The following CDH6 variants were observed in gnomAD, a reference collection of about 807,000 sequenced individuals.
The protein encoded by CDH6 is cadherin-6.
A neutral mutation model predicts 78.0 loss-of-function variants in CDH6; 31 were observed. The observed-to-expected ratio is 0.40, with a 90% CI of 0.30 to 0.54. The LOEUF is 0.54. CDH6 is among the 20% of genes least tolerant of loss of function. The probability of loss-of-function intolerance (pLI) is 0.56; values close to 1 mark genes in which losing one functional copy is unlikely to be tolerated. For missense variants in CDH6, 724 were observed against 975.9 expected (o/e 0.74, Z 3.44); for synonymous variants, 376 against 368.8 (o/e 1.02, Z -0.23).
At chr5:31,248,206 T>C (rs780037276) in intron 1 of CDH6, among the ~76,000 whole-genome samples, 2 of 152,200 alleles carry the variant, frequency 1.3e-5, no homozygotes, top group Non-Finnish European at 2.9e-5. Flanking sequence ...GATGTTTAAC[T>C]GTTCAAATTA....
intron 2 of CDH6, among the ~76,000 whole-genome samples, chr5:31,279,058 C>T (rs1742783034): frequency 6.6e-6 from 1 of 152,128 alleles, no homozygotes; most frequent in Admixed American, 6.5e-5. Flanking sequence ...CAAAGTTCCC[C>T]TTTAAGAAAT....
intron 1 of CDH6, among the ~76,000 whole-genome samples, chr5:31,243,937 T>C (rs922848620): frequency 6.6e-6 from 1 of 152,212 alleles, no homozygotes; most frequent in Non-Finnish European, 1.5e-5. Context: ...AAGTTCATGA[T>C]GTGAATTTGA....
rs567051920 is a variant in CDH6 at position 31,292,377 on chromosome 5, C to T, written c.229-1585C>T. On this transcript the variant is annotated intron_variant, in intron 2 of 11. Coordinates refer to ENST00000265071, the MANE Select transcript of CDH6 (RefSeq NM_004932.4). Reference sequence around the variant, plus strand: ...AGGCCGTATATAAAGTATTTCTTTCCCTCAGCACTTCCTGTAAATGATATT... The same window carrying T: ...AGGCCGTATATAAAGTATTTCTTTCTCTCAGCACTTCCTGTAAATGATATT... 2.0e-5 allele frequency among the ~76,000 whole-genome samples: 3 copies of T among 152,226 alleles called. No homozygotes were observed. In the East Asian group the frequency reaches 5.8e-4, roughly 29 times the overall value.
intron 1 of CDH6, among the ~76,000 whole-genome samples, chr5:31,206,928 G>A (rs1180898590): frequency 2.6e-5 from 4 of 151,746 alleles, no homozygotes; most frequent in Non-Finnish European, 5.9e-5. Context: ...TATTTTTGAC[G>A]ATATGCCTCA....
intron 1 of CDH6, among the ~76,000 whole-genome samples, chr5:31,230,337 TG>T (rs1470236202): frequency 6.6e-6 from 1 of 152,230 alleles, no homozygotes; most frequent in Non-Finnish European, 1.5e-5. Flanking sequence ...CAGGTTTGTC[TG>T]TATAACCATC....
At chr5:31,243,758 C>T (rs1211292304) in intron 1 of CDH6, among the ~76,000 whole-genome samples, 2 of 152,180 alleles carry the variant, frequency 1.3e-5, no homozygotes, top group South Asian at 4.2e-4. Flanking sequence ...AAACACAGCT[C>T]ATGCTAAAAC....
At chr5:31,302,903 AAAAGAAAG>A (rs70953502) in intron 6 of CDH6, among the ~76,000 whole-genome samples, 2,730 of 90,412 alleles carry the variant, frequency 0.03, 48 homozygotes, top group Admixed American at 0.045. Context: ...AAGAAAGAAA[AAAAGAAAG>A]AAAGAAAGAA....
intron 1 of CDH6, among the ~76,000 whole-genome samples, chr5:31,209,584 G>T (rs942725202): frequency 4.6e-5 from 7 of 152,282 alleles, no homozygotes; most frequent in Non-Finnish European, 8.8e-5. Context: ...GCATCCTAAA[G>T]ATCTGATTGC....
At chr5:31,269,775 T>G (rs1478495222) in intron 2 of CDH6, among the ~76,000 whole-genome samples, 1 of 152,212 alleles carries the variant, frequency 6.6e-6, no homozygotes, top group Non-Finnish European at 1.5e-5. Flanking sequence ...TTCGTTGGAT[T>G]TGGATATTTT....
chr5:31,287,996 C>T (rs1396931942), intron 2 of CDH6, among the ~76,000 whole-genome samples: 2 of 152,220 alleles, frequency 1.3e-5, no homozygotes, highest in African/African-American at 4.8e-5. Flanking sequence ...AACCTGGGTT[C>T]CTTCCACTTT....
At chr5:31,320,523 A>G (rs930087353) in intron 11 of CDH6, among the ~76,000 whole-genome samples, 2 of 152,118 alleles carry the variant, frequency 1.3e-5, no homozygotes, top group African/African-American at 4.8e-5. Context: ...TCTAATCCCA[A>G]TGGATGTCCT....
intron 8 of CDH6, among the ~76,000 whole-genome samples, chr5:31,314,275 A>T (rs1295378416): frequency 1.3e-5 from 2 of 149,556 alleles, no homozygotes; most frequent in African/African-American, 2.4e-5. Context: ...CATTAGGTAT[A>T]TCTCCTAATG....
In CDH6 at chr5:31,202,741, C is replaced by T. The variant is rs188333171; in HGVS notation, c.-129+8855C>T. 4.3e-3 allele frequency among the ~76,000 whole-genome samples: 646 copies of T among 149,030 alleles called. 3 individuals are homozygous for T. The highest frequency in any genetic ancestry group is 7.2e-3 in the Middle Eastern group (2 of 276). ...TATATGTTACATATATACATATATG[C>T]GTGTATATATGTAACATATACACGC... is the stretch of plus-strand genomic sequence containing the variant. On this transcript the variant is annotated intron_variant, in intron 1 of 11. Coordinates refer to ENST00000265071, the MANE Select transcript of CDH6 (RefSeq NM_004932.4).
intron 6 of CDH6, among the ~76,000 whole-genome samples, chr5:31,302,790 GAGAGAGAGAGAA>G (rs778366869): frequency 0.15 from 13,829 of 94,666 alleles, 1,065 homozygotes; most frequent in Middle Eastern, 0.2. Context: ...GAGAGAGAGA[GAGAGAGAGAGAA>G]AGAAAGAAAG....
chr5:31,222,222 C>T (rs908699421), intron 1 of CDH6, among the ~76,000 whole-genome samples: 2 of 152,026 alleles, frequency 1.3e-5, no homozygotes, highest in Non-Finnish European at 2.9e-5. Context: ...CTGTTAATAC[C>T]TGATACATAA....
At chr5:31,225,743 C>T (rs1183034566) in intron 1 of CDH6, among the ~76,000 whole-genome samples, 5 of 152,090 alleles carry the variant, frequency 3.3e-5, no homozygotes, top group Admixed American at 2.0e-4. Flanking sequence ...GATTACAATT[C>T]GACATGAGAT....
Position 31,324,472 on chromosome 5 carries a change from T to G in CDH6, c.*1164T>G, listed in dbSNP as rs1738568805. 1 of 213,714 alleles carries G rather than the reference T, an allele frequency of 4.7e-6. No homozygotes were observed. The highest frequency in any genetic ancestry group is 9.4e-6 in the Non-Finnish European group (1 of 105,876). The allele number at this position is 213,714 out of a possible 1,614,324, so 13.2% of individuals were successfully genotyped here. Reference sequence around the variant, plus strand: ...ACATTTGGATAAACAACATTGAGATTATGATGAAAACCTACATATTCCATG... The same window carrying G: ...ACATTTGGATAAACAACATTGAGATGATGATGAAAACCTACATATTCCATG... On this transcript the variant is annotated 3_prime_UTR_variant, in exon 12 of 12. Transcript: ENST00000265071.
intron 2 of CDH6, among the ~76,000 whole-genome samples, chr5:31,268,239 C>G (rs925035721): frequency 6.6e-6 from 1 of 152,194 alleles, no homozygotes; most frequent in South Asian, 2.1e-4. Context: ...GCTGCTGCTA[C>G]TGTTTAGTCT....
chr5:31,216,269 G>GA (rs912409519), intron 1 of CDH6, among the ~76,000 whole-genome samples: 6 of 152,036 alleles, frequency 3.9e-5, no homozygotes, highest in African/African-American at 1.4e-4. Flanking sequence ...TGCCTTGAGG[G>GA]AAAAAATGTT....
Sources: allele counts gnomAD v4.1 joint callset (sites outside exome capture counted in the v4.1 genomes callset), GRCh38; gene constraint gnomAD v4.1.1; transcripts MANE v1.5; gene names NCBI Gene and HGNC (gene_info 2026-07-23, HGNC 2026-07-21).